The following KRABD3 variants were observed in gnomAD, a reference collection of about 807,000 sequenced individuals.
KRABD3 encodes the protein KRAB domain containing 3, also known as KRAB domain-containing protein 3.
At chr7:149,728,625 A>T in the KRABD3 span, 3 of 1,613,672 alleles carry the variant, frequency 1.9e-6, no homozygotes, top group Non-Finnish European at 2.5e-6. Flanking sequence ...TCAGCAGCAG[A>T]CAGGGGACCG....
At chr7:149,722,866 A>AC in the KRABD3 span, 1 of 1,613,610 alleles carries the variant, frequency 6.2e-7, no homozygotes. Context: ...GCACCCCGAG[A>AC]CATCCCCAAG....
chr7:149,714,966 G>C, the KRABD3 span: 1 of 1,117,280 alleles, frequency 9.0e-7, no homozygotes, highest in African/African-American at 1.6e-5. Flanking sequence ...CTCCTGCGCG[G>C]ACCTGGGCCG....
chr7:149,723,617 G>A, the KRABD3 span: 13 of 984,842 alleles, frequency 1.3e-5, no homozygotes, highest in South Asian at 2.3e-4. Flanking sequence ...CGAGCCACTG[G>A]AAGAGCCTCA....
chr7:149,719,635 C>G, the KRABD3 span: 2 of 1,608,688 alleles, frequency 1.2e-6, no homozygotes, highest in Non-Finnish European at 1.7e-6. This position sits in a 1 kb window ranked among gnomAD's most constrained non-coding sequence, Gnocchi z 5.6. Context: ...TCTACCGAGA[C>G]GTGATGCGGG....
At chr7:149,715,148 C>T in the KRABD3 span, 1 of 1,229,816 alleles carries the variant, frequency 8.1e-7, no homozygotes, top group East Asian at 3.2e-5. Flanking sequence ...GACCCCCCCG[C>T]AACTTCGGGA....
chr7:149,729,209 A>T, the KRABD3 span: 1 of 1,570,990 alleles, frequency 6.4e-7, no homozygotes, highest in African/African-American at 1.4e-5. Flanking sequence ...GAGGCCTGCG[A>T]GTCAGCCCGT....
the KRABD3 span, chr7:149,730,498 C>T: frequency 1.2e-6 from 2 of 1,611,032 alleles, no homozygotes; most frequent in African/African-American, 2.7e-5. Flanking sequence ...CCCCTGCTGG[C>T]AGCAGTGGCG....
At chr7:149,718,561 C>T in the KRABD3 span, among the ~76,000 whole-genome samples, 3 of 146,018 alleles carry the variant, frequency 2.1e-5, no homozygotes, top group Non-Finnish European at 4.5e-5. Context: ...CCATATTGCC[C>T]AGACTGGAGT....
At chr7:149,726,507 G>A in the KRABD3 span, among the ~76,000 whole-genome samples, 16 of 150,682 alleles carry the variant, frequency 1.1e-4, no homozygotes, top group African/African-American at 3.7e-4. Context: ...GCACAATCTC[G>A]GCTCACTGCA....
At chr7:149,715,813 G>T in the KRABD3 span, among the ~76,000 whole-genome samples, 1 of 152,152 alleles carries the variant, frequency 6.6e-6, no homozygotes, top group African/African-American at 2.4e-5. Context: ...TAGGCAAATT[G>T]GATGTTGTTG....
At chr7:149,719,965 G>T in the KRABD3 span, 1 of 1,526,170 alleles carries the variant, frequency 6.6e-7, no homozygotes, top group South Asian at 1.2e-5. This position sits in a 1 kb window ranked among gnomAD's most constrained non-coding sequence, Gnocchi z 5.6. Context: ...GCGAAGCGGA[G>T]ACCACTCCAT....
the KRABD3 span, chr7:149,724,625 G>T: frequency 1.3e-6 from 2 of 1,484,276 alleles, no homozygotes; most frequent in Middle Eastern, 1.8e-4. Context: ...CCTGAACCTT[G>T]GGCTTCCCAA....
chr7:149,722,695 C>T, the KRABD3 span: 181 of 1,513,534 alleles, frequency 1.2e-4, no homozygotes, highest in Non-Finnish European at 1.5e-4. Flanking sequence ...GTGGGAATCT[C>T]AGCCGCCCGG....
the KRABD3 span, chr7:149,733,698 C>T: frequency 1.3e-6 from 2 of 1,582,040 alleles, no homozygotes; most frequent in South Asian, 2.3e-5. Context: ...CGTCCGCTGC[C>T]TCCAGACGCT....
At chr7:149,728,419 C>G in the KRABD3 span, 1 of 1,327,654 alleles carries the variant, frequency 7.5e-7, no homozygotes, top group Non-Finnish European at 1.0e-6. Flanking sequence ...GCCCAGCACC[C>G]CTGTGACCCC....
the KRABD3 span, among the ~76,000 whole-genome samples, chr7:149,723,249 A>G: frequency 2.6e-5 from 4 of 152,316 alleles, no homozygotes; most frequent in Admixed American, 6.5e-5. Context: ...CATTGACGCC[A>G]GGCATGATGC....
At chr7:149,721,410 G>A in the KRABD3 span, 5 of 1,610,092 alleles carry the variant, frequency 3.1e-6, no homozygotes, top group African/African-American at 1.3e-5. Flanking sequence ...TGCCCTCTCC[G>A]AGGCCTGCTC....
At chr7:149,719,362 G>A in the KRABD3 span, 4 of 550,640 alleles carry the variant, frequency 7.3e-6, no homozygotes, top group East Asian at 3.4e-5. The surrounding 1 kb of genome is among the most constrained non-coding windows in gnomAD (Gnocchi z 5.6). Flanking sequence ...GGACTTCAGC[G>A]TGTCTCTGCA....
chr7:149,715,491 C>A, the KRABD3 span: 1 of 361,216 alleles, frequency 2.8e-6, no homozygotes, highest in Non-Finnish European at 3.9e-6. Context: ...GATCTGAGAA[C>A]TGGAGGGAGA....
Sources: allele counts gnomAD v4.1 joint callset (sites outside exome capture counted in the v4.1 genomes callset), GRCh38; gene constraint gnomAD v4.1.1; non-coding constraint Gnocchi (gnomAD v3.1); transcripts MANE v1.5; gene names NCBI Gene and HGNC (gene_info 2026-07-23, HGNC 2026-07-21).